TMEM229B: variants seen among roughly 807,000 people sequenced by gnomAD.
The protein encoded by TMEM229B is transmembrane protein 229B.
Under a neutral mutation model 13.7 loss-of-function variants are expected in TMEM229B, and 6 were observed. The observed-to-expected ratio is 0.44, with a 90% confidence interval of 0.24 to 0.86. The LOEUF (loss-of-function observed/expected upper bound fraction) is 0.86, where lower values mean the gene tolerates loss of function less well. Among genes scored for constraint, TMEM229B ranks in the 40% least tolerant of loss-of-function variants. The pLI is 0.23. For synonymous variants in TMEM229B, 107 were observed against 102.1 expected, an observed-to-expected ratio of 1.05 and a Z score of -0.29; for missense variants, 170 against 236.0, an observed-to-expected ratio of 0.72 and a Z score of 1.83.
At chr14:67,476,400 G>A (rs1209234375) in intron 2 of TMEM229B, among the ~76,000 whole-genome samples, 3 of 151,806 alleles carry the variant, frequency 2.0e-5, no homozygotes, top group East Asian at 2.0e-4. Context: ...CAACCTGGCC[G>A]ACATGGTGAA....
intron 1 of TMEM229B, among the ~76,000 whole-genome samples, chr14:67,523,908 T>A (rs2140275010): frequency 1.0e-5 from 1 of 95,426 alleles, no homozygotes; most frequent in Non-Finnish European, 2.4e-5. Context: ...GGGAATACAG[T>A]AGAGGGATAT....
upstream of TMEM229B, among the ~76,000 whole-genome samples, chr14:67,517,000 C>G (rs1024370116): frequency 1.3e-5 from 2 of 152,200 alleles, no homozygotes; most frequent in Non-Finnish European, 2.9e-5. Flanking sequence ...ATATAATATT[C>G]TCAGCACACA....
At chr14:67,479,147 C>T (rs1244172248) in intron 2 of TMEM229B, among the ~76,000 whole-genome samples, 1 of 152,036 alleles carries the variant, frequency 6.6e-6, no homozygotes, top group Non-Finnish European at 1.5e-5. Flanking sequence ...GGTGGCTCAC[C>T]CTGTAAACCC....
intron 1 of TMEM229B, among the ~76,000 whole-genome samples, chr14:67,529,659 C>CT (rs1459375569): frequency 6.6e-6 from 1 of 152,198 alleles, no homozygotes; most frequent in Non-Finnish European, 1.5e-5. Flanking sequence ...CCTAGCCCCA[C>CT]TTAGATGGTG....
intron 1 of TMEM229B, among the ~76,000 whole-genome samples, chr14:67,509,366 T>C (rs1390613311): frequency 6.6e-6 from 1 of 152,074 alleles, no homozygotes; most frequent in Non-Finnish European, 1.5e-5. Context: ...TTGTCCAAGC[T>C]GGAGTGCAAT....
chr14:67,474,327 T>C (rs892890290), intron 2 of TMEM229B, among the ~76,000 whole-genome samples: 1 of 151,958 alleles, frequency 6.6e-6, no homozygotes, highest in African/African-American at 2.4e-5. Context: ...TCTGCAACTC[T>C]ACCCAAATGC....
intron 2 of TMEM229B, among the ~76,000 whole-genome samples, chr14:67,476,803 C>T (rs189626088): frequency 9.2e-5 from 14 of 152,156 alleles, no homozygotes; most frequent in African/African-American, 2.9e-4. Context: ...CTTAGACATA[C>T]GTACCAAATG....
chr14:67,511,896 G>A (rs1001897914), intron 1 of TMEM229B, among the ~76,000 whole-genome samples: 14 of 152,230 alleles, frequency 9.2e-5, no homozygotes, highest in Admixed American at 3.9e-4. Flanking sequence ...AAATGTGATG[G>A]TTGACTTAGC....
At chr14:67,500,092 C>T (rs142158708) in intron 1 of TMEM229B, among the ~76,000 whole-genome samples, 6 of 152,166 alleles carry the variant, frequency 3.9e-5, no homozygotes, top group East Asian at 3.9e-4. Context: ...CAGCTACTCA[C>T]GTGGGAGGAT....
chr14:67,507,197 A>G (rs1481434442), intron 1 of TMEM229B, among the ~76,000 whole-genome samples: 1 of 152,064 alleles, frequency 6.6e-6, no homozygotes, highest in East Asian at 1.9e-4. Context: ...CAGCTAAATT[A>G]GCCAGGTGCT....
At chr14:67,493,534 T>C (rs1199276630), upstream of TMEM229B, among the ~76,000 whole-genome samples, 1 of 152,248 alleles carries the variant, frequency 6.6e-6, no homozygotes, top group East Asian at 1.9e-4. Context: ...ATTGCCTTGC[T>C]GAGAAAACTT....
intron 1 of TMEM229B, among the ~76,000 whole-genome samples, chr14:67,507,063 T>A (rs543930969): frequency 6.6e-6 from 1 of 152,284 alleles, no homozygotes. Context: ...CCCAATTCCA[T>A]GAACAAAGAA....
At chr14:67,477,966 A>G (rs189366030) in intron 2 of TMEM229B, among the ~76,000 whole-genome samples, 2 of 152,314 alleles carry the variant, frequency 1.3e-5, no homozygotes, top group African/African-American at 4.8e-5. Context: ...GGTTCAGCAT[A>G]GTATTCCCAG....
intron 2 of TMEM229B, among the ~76,000 whole-genome samples, chr14:67,476,552 A>G (rs2031212098): frequency 6.6e-6 from 1 of 152,106 alleles, no homozygotes; most frequent in Non-Finnish European, 1.5e-5. Context: ...ATGCCACTGC[A>G]CTCCAGCCTG....
chr14:67,473,366 C>G lies in TMEM229B; in HGVS notation c.*54G>C, dbSNP rs2030900817. 1 of 1,586,226 alleles carries G rather than the reference C, an allele frequency of 6.3e-7. No individual in the cohort carries two copies. The highest frequency in any genetic ancestry group is 1.2e-5 in the South Asian group (1 of 85,470). On this transcript the variant is annotated 3_prime_UTR_variant, in exon 3 of 3. Transcript: ENST00000554480. The surrounding 1 kb of genome is among the most constrained non-coding windows in gnomAD (Gnocchi z 6.5). The stretch of plus-strand genomic sequence containing the variant: ...GATGGGGCAACCTCACCAGCTTGGT[C>G]TCTTTGTCCATGAGTTCCATGAGAG...
chr14:67,498,963 C>A (rs1393683571), intron 1 of TMEM229B, among the ~76,000 whole-genome samples: 1 of 104,714 alleles, frequency 9.5e-6, no homozygotes, highest in Non-Finnish European at 2.2e-5. Context: ...GCCACTGAGC[C>A]CAGACAAGGC....
At chr14:67,487,420 G>C (rs1054712447) in intron 1 of TMEM229B, among the ~76,000 whole-genome samples, 1 of 152,154 alleles carries the variant, frequency 6.6e-6, no homozygotes, top group Non-Finnish European at 1.5e-5. Flanking sequence ...AGGGCTTCTT[G>C]CCTAAATGTG....
At chr14:67,497,410 C>G (rs965581334) in intron 1 of TMEM229B, among the ~76,000 whole-genome samples, 2 of 152,052 alleles carry the variant, frequency 1.3e-5, no homozygotes, top group Non-Finnish European at 2.9e-5. Flanking sequence ...GCCCTCCTTC[C>G]AGTGCCGGGA....
At chr14:67,523,929 A>C (rs1028539351) in intron 1 of TMEM229B, among the ~76,000 whole-genome samples, 1 of 47,838 alleles carries the variant, frequency 2.1e-5, no homozygotes, top group African/African-American at 6.2e-5. Context: ...GAGGACAGGG[A>C]GGGAAGAATA....
Sources: gnomAD v4.1 joint callset for allele counts (sites outside exome capture counted in the v4.1 genomes callset) on GRCh38, gnomAD v4.1.1 for gene constraint, Gnocchi (gnomAD v3.1) non-coding constraint, MANE v1.5 for transcripts, NCBI Gene and HGNC (gene_info 2026-07-23, HGNC 2026-07-21) for gene names.